Variants in CTNNA2 observed in about 807,000 individuals in gnomAD.
The protein encoded by CTNNA2 is catenin alpha-2.
In CTNNA2, 42 loss-of-function variants were observed where a neutral mutation model predicts 101.0. The ratio of observed to expected loss-of-function variants is 0.42; its 90% CI spans 0.32 to 0.54. CTNNA2 has a LOEUF of 0.54. CTNNA2 is among the 20% of genes least tolerant of loss of function. The probability of loss-of-function intolerance (pLI) is 0.14; values close to 1 mark genes in which losing one functional copy is unlikely to be tolerated. For missense variants in CTNNA2, 871 were observed against 1,223.1 expected (o/e 0.71, Z 4.29); for synonymous variants, 450 against 456.4 (o/e 0.99, Z 0.18).
intron 7 of CTNNA2, among the ~76,000 whole-genome samples, chr2:80,066,590 G>A (rs1697999661): frequency 6.6e-6 from 1 of 152,208 alleles, no homozygotes; most frequent in South Asian, 2.1e-4. Flanking sequence ...TGAAAAATAA[G>A]TGTTGATGAG....
At position 80,081,785 on chromosome 2, in the gene CTNNA2, T is replaced by TTCTCTC. The variant is rs59390333; in HGVS notation, c.1056+171996_1056+172001dup. On this transcript the variant is annotated intron_variant, in intron 7 of 18. Transcript: ENST00000402739. ...TCTCTATTTCTGTGTGTGTCTGTGT[T>TTCTCTC]TCTCTCTCTCTCTATCTCCTCTCTC... Among the ~76,000 whole-genome samples, 76 of 150,570 alleles carry TTCTCTC rather than the reference T, an allele frequency of 5.0e-4. No homozygotes were observed. In the East Asian group the frequency reaches 0.011, roughly 22 times the overall value.
intron 15 of CTNNA2, among the ~76,000 whole-genome samples, chr2:80,602,686 C>T (rs1390953299): frequency 1.3e-5 from 2 of 152,032 alleles, no homozygotes; most frequent in Non-Finnish European, 2.9e-5. Context: ...AACAGATTGT[C>T]ACAGAATGTT....
At chr2:79,523,269 TG>T in intron 1 of CTNNA2, 1 of 449,860 alleles carries the variant, frequency 2.2e-6, no homozygotes, top group Non-Finnish European at 4.5e-6. Context: ...AGATTGATTT[TG>T]GGGGCCCCAG....
intron 3 of CTNNA2, among the ~76,000 whole-genome samples, chr2:79,355,071 C>T (rs910601902): frequency 1.3e-5 from 2 of 152,072 alleles, no homozygotes; most frequent in Non-Finnish European, 2.9e-5. Context: ...GCTCTCTATC[C>T]TGCTCTGTTA....
chr2:79,641,683 G>A (rs1241196577), intron 1 of CTNNA2, among the ~76,000 whole-genome samples: 2 of 152,086 alleles, frequency 1.3e-5, no homozygotes, highest in African/African-American at 4.8e-5. Flanking sequence ...ATACTCAAGT[G>A]GAAAACAACC....
intron 2 of CTNNA2, among the ~76,000 whole-genome samples, chr2:79,210,551 G>T (rs1160481572): frequency 1.3e-5 from 2 of 152,120 alleles, no homozygotes; most frequent in East Asian, 3.9e-4. Flanking sequence ...CTCAGTTCAG[G>T]CTTATAAATT....
intron 3 of CTNNA2, among the ~76,000 whole-genome samples, chr2:79,838,431 G>A (rs73941330): frequency 0.011 from 1,612 of 152,116 alleles, 17 homozygotes; most frequent in African/African-American, 0.037. Context: ...TACAGAAGGG[G>A]TTTCCATGCT....
At chr2:80,346,604 G>A (rs1326702499) in intron 7 of CTNNA2, among the ~76,000 whole-genome samples, 1 of 152,110 alleles carries the variant, frequency 6.6e-6, no homozygotes, top group Non-Finnish European at 1.5e-5. Flanking sequence ...TACTCCTCAA[G>A]TTCTTCCATT....
At chr2:79,483,314 A>G (rs1009540183) in intron 4 of CTNNA2, among the ~76,000 whole-genome samples, 4 of 152,244 alleles carry the variant, frequency 2.6e-5, no homozygotes, top group Non-Finnish European at 5.9e-5. Context: ...CGCATAACAA[A>G]TTACCTCAGA....
At chr2:79,207,573 A>AATGAC (rs1674116420) in intron 2 of CTNNA2, among the ~76,000 whole-genome samples, 1 of 152,212 alleles carries the variant, frequency 6.6e-6, no homozygotes, top group South Asian at 2.1e-4. Flanking sequence ...TCTAGAATCG[A>AATGAC]ATGACACAAA....
chr2:80,200,395 A>G (rs993820311), intron 7 of CTNNA2, among the ~76,000 whole-genome samples: 6 of 152,178 alleles, frequency 3.9e-5, no homozygotes, highest in African/African-American at 1.4e-4. Context: ...CACTATCATT[A>G]TGCTGTGTTA....
At chr2:79,821,146 T>C (rs1269186435) in intron 3 of CTNNA2, among the ~76,000 whole-genome samples, 1 of 152,202 alleles carries the variant, frequency 6.6e-6, no homozygotes, top group African/African-American at 2.4e-5. Context: ...AACCATTAAT[T>C]CCCCTGCAAG....
intron 7 of CTNNA2, among the ~76,000 whole-genome samples, chr2:80,338,411 G>A (rs1671947208): frequency 6.6e-6 from 1 of 151,488 alleles, no homozygotes; most frequent in Non-Finnish European, 1.5e-5. Flanking sequence ...CCATTTTGGA[G>A]AAAACAGAAC....
chr2:80,091,293 C>T (rs1699775183), intron 7 of CTNNA2, among the ~76,000 whole-genome samples: 1 of 152,018 alleles, frequency 6.6e-6, no homozygotes, highest in Non-Finnish European at 1.5e-5. Flanking sequence ...GTTTTCTAGC[C>T]TTCTTTGAAG....
intron 12 of CTNNA2, among the ~76,000 whole-genome samples, chr2:80,560,302 T>G (rs72823761): frequency 0.27 from 40,811 of 152,040 alleles, 6,551 homozygotes; most frequent in East Asian, 0.41. Flanking sequence ...GCATCCAAAC[T>G]GGAAATCTTA....
chr2:79,958,606 A>C (rs1252342390), intron 7 of CTNNA2, among the ~76,000 whole-genome samples: 1 of 152,168 alleles, frequency 6.6e-6, no homozygotes, highest in African/African-American at 2.4e-5. Context: ...CCAGAAAGGA[A>C]TGCCGGTCTC....
intron 8 of CTNNA2, among the ~76,000 whole-genome samples, chr2:80,416,698 C>T (rs1286383738): frequency 1.3e-5 from 2 of 151,774 alleles, no homozygotes; most frequent in South Asian, 4.2e-4. Flanking sequence ...AACATTTATA[C>T]TATATTCTAT....
At chr2:79,433,559 G>C (rs1212899982) in intron 4 of CTNNA2, among the ~76,000 whole-genome samples, 1 of 148,860 alleles carries the variant, frequency 6.7e-6, no homozygotes, top group Non-Finnish European at 1.5e-5. Context: ...TATTCTTGTG[G>C]CTTGTTCCAA....
chr2:79,419,599 A>G (rs1678518157), intron 4 of CTNNA2, among the ~76,000 whole-genome samples: 1 of 152,152 alleles, frequency 6.6e-6, no homozygotes, highest in Admixed American at 6.5e-5. Context: ...GGTTTAAATA[A>G]AATTTTGAGT....
Sources: gnomAD v4.1 joint callset for allele counts (sites outside exome capture counted in the v4.1 genomes callset) on GRCh38, gnomAD v4.1.1 for gene constraint, MANE v1.5 for transcripts, NCBI Gene and HGNC (gene_info 2026-07-23, HGNC 2026-07-21) for gene names.